The following ACOXL variants were observed in gnomAD, a reference collection of about 807,000 sequenced individuals.
ACOXL encodes the protein acyl-CoA oxidase like.
In ACOXL, 70 loss-of-function variants were observed where a neutral mutation model predicts 71.9. The observed-to-expected ratio is 0.97, with a 90% confidence interval of 0.80 to 1.19. The LOEUF is 1.19. Ranked by LOEUF, ACOXL falls within the 50% of genes most tolerant of loss-of-function variation. The probability of loss-of-function intolerance (pLI) is 0.00; values close to 1 mark genes in which losing one functional copy is unlikely to be tolerated. For synonymous variants in ACOXL, 253 were observed against 281.6 expected (o/e 0.90, Z 1.02); for missense variants, 703 against 736.3 (o/e 0.95, Z 0.52).
chr2:111,083,566 T>G (rs552033485), intron 16 of ACOXL, among the ~76,000 whole-genome samples: 76 of 150,650 alleles, frequency 5.0e-4, no homozygotes, highest in Non-Finnish European at 1.0e-3. Context: ...GTTTTTTTGT[T>G]TTTTTTTTTG....
intron 1 of ACOXL, among the ~76,000 whole-genome samples, chr2:110,749,537 C>A (rs772987308): frequency 9.9e-5 from 15 of 152,104 alleles, no homozygotes; most frequent in Non-Finnish European, 1.9e-4. Context: ...AGCAGCTTGG[C>A]CAACATGGCG....
At chr2:110,981,217 G>A (rs1283060666) in intron 12 of ACOXL, among the ~76,000 whole-genome samples, 1 of 152,200 alleles carries the variant, frequency 6.6e-6, no homozygotes, top group African/African-American at 2.4e-5. Flanking sequence ...CAAAAATTAG[G>A]TGTGGTAGCA....
chr2:110,826,752 C>CTTTTTTTTTTTTTTTCTT (rs1689207488), intron 9 of ACOXL, among the ~76,000 whole-genome samples: 1 of 116,532 alleles, frequency 8.6e-6, no homozygotes, highest in Non-Finnish European at 1.8e-5. Flanking sequence ...TCTCTCTTTG[C>CTTTTTTTTTTTTTTTCTT]TTTTTTTTTT....
At chr2:110,897,302 A>G (rs1457993925) in intron 10 of ACOXL, among the ~76,000 whole-genome samples, 3 of 152,208 alleles carry the variant, frequency 2.0e-5, no homozygotes, top group South Asian at 2.1e-4. Flanking sequence ...TCTCAAATCA[A>G]TATCTAAGCT....
At chr2:111,083,646 C>G (rs1277199261) in intron 16 of ACOXL, among the ~76,000 whole-genome samples, 1 of 151,744 alleles carries the variant, frequency 6.6e-6, no homozygotes, top group Non-Finnish European at 1.5e-5. Context: ...CCATATCGCA[C>G]AACTACCCCA....
intron 2 of ACOXL, among the ~76,000 whole-genome samples, chr2:110,783,823 C>T (rs1559256182): frequency 6.6e-6 from 1 of 152,180 alleles, no homozygotes; most frequent in Non-Finnish European, 1.5e-5. Context: ...CAACAATGGA[C>T]AGCTGCACTT....
chr2:110,830,379 CTCTT>C (rs945969115), intron 9 of ACOXL, among the ~76,000 whole-genome samples: 7 of 152,074 alleles, frequency 4.6e-5, no homozygotes, highest in Admixed American at 2.0e-4. Flanking sequence ...CTCCCTCCCT[CTCTT>C]TCTTTCTTTG....
chr2:111,083,754 AGCCAGGAAAGG>A (rs1386871446), intron 16 of ACOXL, among the ~76,000 whole-genome samples: 2 of 152,092 alleles, frequency 1.3e-5, no homozygotes, highest in Non-Finnish European at 2.9e-5. Context: ...CTCTCCCAAG[AGCCAGGAAAGG>A]GCCAGTCCTG....
intron 10 of ACOXL, among the ~76,000 whole-genome samples, chr2:110,868,058 G>T (rs1694831300): frequency 6.6e-6 from 1 of 152,168 alleles, no homozygotes; most frequent in Admixed American, 6.5e-5. Context: ...ACCACGCCCG[G>T]CCAAAAATTG....
At chr2:111,077,553 T>G (rs1311718352) in intron 16 of ACOXL, among the ~76,000 whole-genome samples, 1 of 152,204 alleles carries the variant, frequency 6.6e-6, no homozygotes, top group East Asian at 1.9e-4. Context: ...ACCATTTCCA[T>G]TTTTCCTTCC....
At chr2:110,885,908 A>C (rs1428632770) in intron 10 of ACOXL, among the ~76,000 whole-genome samples, 1 of 152,204 alleles carries the variant, frequency 6.6e-6, no homozygotes, top group East Asian at 1.9e-4. Context: ...ATACAGAAAT[A>C]TGTATGTTAT....
At chr2:110,799,204 G>A in intron 7 of ACOXL, 104 bp downstream of exon 7, 3 of 1,128,004 alleles carry the variant, frequency 2.7e-6, no homozygotes, top group Non-Finnish European at 2.7e-6. Context: ...CACTGAGGGT[G>A]GAGAAAACTT....
intron 1 of ACOXL, among the ~76,000 whole-genome samples, chr2:110,767,424 G>A (rs569383810): frequency 6.6e-6 from 1 of 152,272 alleles, no homozygotes; most frequent in Admixed American, 6.5e-5. Flanking sequence ...GGTTGAGCTG[G>A]GAAAGCCTCA....
chr2:110,896,152 T>C (rs2059000333), intron 10 of ACOXL, among the ~76,000 whole-genome samples: 1 of 152,120 alleles, frequency 6.6e-6, no homozygotes, highest in African/African-American at 2.4e-5. Flanking sequence ...TTTGAACTGG[T>C]AAAATTCTGC....
chr2:111,005,354 C>T (rs1001993155), intron 14 of ACOXL, among the ~76,000 whole-genome samples: 4 of 152,274 alleles, frequency 2.6e-5, no homozygotes, highest in African/African-American at 9.6e-5. Context: ...AACAACTGCT[C>T]TGAGTTATTT....
intron 3 of ACOXL, among the ~76,000 whole-genome samples, chr2:110,792,352 C>T (rs985087527): frequency 6.6e-6 from 1 of 152,236 alleles, no homozygotes; most frequent in African/African-American, 2.4e-5. Context: ...GTTCTTCTGT[C>T]TTTGCAGTCA....
chr2:110,807,399 T>C (rs1258933297), intron 9 of ACOXL, among the ~76,000 whole-genome samples: 1 of 152,196 alleles, frequency 6.6e-6, no homozygotes, highest in African/African-American at 2.4e-5. Context: ...TTGCTGCTGC[T>C]GCCGTTACTG....
chr2:111,021,708 G>A (rs978391639), intron 14 of ACOXL, among the ~76,000 whole-genome samples: 58 of 152,280 alleles, frequency 3.8e-4, no homozygotes, highest in African/African-American at 1.4e-3. Flanking sequence ...ATCTAAAGAT[G>A]AAAGGGAGGA....
chr2:111,049,099 C>CA (rs1485649480), intron 15 of ACOXL, 119 bp from the exon 16 acceptor site: 2 of 821,916 alleles, frequency 2.4e-6, no homozygotes, highest in Admixed American at 4.6e-5. Flanking sequence ...GCCATGTCAC[C>CA]AAGGAAGGAC....
Sources: allele counts gnomAD v4.1 joint callset (sites outside exome capture counted in the v4.1 genomes callset), GRCh38; gene constraint gnomAD v4.1.1; transcripts MANE v1.5; gene names NCBI Gene and HGNC (gene_info 2026-07-23, HGNC 2026-07-21).